Variants in CNGB3 observed in about 807,000 individuals in gnomAD.
CNGB3 encodes the protein cyclic nucleotide-gated channel beta-3.
A neutral mutation model predicts 92.8 loss-of-function variants in CNGB3; 86 were observed. The ratio of observed to expected loss-of-function variants is 0.93; its 90% CI spans 0.78 to 1.11. The LOEUF is 1.11. CNGB3 is among the 50% of genes least tolerant of loss of function. CNGB3 has a pLI of 0.00. For synonymous variants in CNGB3, 333 were observed against 332.7 expected (o/e 1.00, Z -0.01); for missense variants, 1,026 against 956.8 (o/e 1.07, Z -0.95).
At chr8:86,599,896 T>A (rs1822253963) in intron 15 of CNGB3, among the ~76,000 whole-genome samples, 1 of 152,184 alleles carries the variant, frequency 6.6e-6, no homozygotes, top group South Asian at 2.1e-4. Flanking sequence ...TTGTGAAGCA[T>A]GTGATCTCTG....
In CNGB3 at chr8:86,611,687, A is replaced by C; in HGVS notation, c.1579-16T>G. Reference sequence around the variant, plus strand: ...TATCACAACCCTATATAAAAAGAAAAATAATTCTTATAGAAACAACTAAAG... The same window carrying C: ...TATCACAACCCTATATAAAAAGAAACATAATTCTTATAGAAACAACTAAAG... On this transcript the variant is annotated splice_polypyrimidine_tract_variant and intron_variant, in intron 13 of 17. Coordinates refer to ENST00000320005, the MANE Select transcript of CNGB3 (RefSeq NM_019098.5). 6.4e-7 allele frequency: 1 copy of C among 1,567,600 alleles called. No homozygotes were observed. Among genetic ancestry groups the C allele is most frequent in the Non-Finnish European group, 8.8e-7 (1 of 1,138,348 alleles).
At chr8:86,628,795 C>T in intron 12 of CNGB3, 124 bp downstream of exon 12, 9 of 1,040,582 alleles carry the variant, frequency 8.6e-6, no homozygotes, top group East Asian at 2.4e-5. Flanking sequence ...TAAACGAATG[C>T]TTTAAGGATC....
intron 10 of CNGB3, among the ~76,000 whole-genome samples, chr8:86,635,504 G>T (rs1465578140): frequency 2.7e-5 from 4 of 150,282 alleles, no homozygotes; most frequent in Non-Finnish European, 5.9e-5. Flanking sequence ...CAAGGGTTTG[G>T]CTTGAACAAT....
chr8:86,594,456 C>A, intron 15 of CNGB3: 1 of 280,158 alleles, frequency 3.6e-6, no homozygotes, highest in South Asian at 3.3e-5. Context: ...ATGAGCTTGT[C>A]GGTGGTAAAG....
At chr8:86,620,391 T>A (rs1822701127) in intron 13 of CNGB3, among the ~76,000 whole-genome samples, 1 of 152,176 alleles carries the variant, frequency 6.6e-6, no homozygotes, top group Admixed American at 6.5e-5. Context: ...GGCTTGCAGA[T>A]GGCTACCTTC....
chr8:86,606,619 T>A (rs1822415732), intron 14 of CNGB3, among the ~76,000 whole-genome samples: 1 of 152,242 alleles, frequency 6.6e-6, no homozygotes, highest in African/African-American at 2.4e-5. Context: ...CATAGCTCCT[T>A]ATTTTAATTC....
chr8:86,659,032 C>G, intron 6 of CNGB3: 1 of 976,698 alleles, frequency 1.0e-6, no homozygotes, highest in East Asian at 2.5e-5. Context: ...TCGGCCTCCA[C>G]TTATAGCTGC....
chr8:86,635,403 A>G (rs557153745), intron 10 of CNGB3, among the ~76,000 whole-genome samples: 2 of 152,124 alleles, frequency 1.3e-5, no homozygotes, highest in Admixed American at 1.3e-4. Context: ...TAACAGGAAC[A>G]AACATAAGAA....
intron 13 of CNGB3, among the ~76,000 whole-genome samples, chr8:86,618,126 G>T (rs1213893216): frequency 6.6e-6 from 1 of 152,174 alleles, no homozygotes; most frequent in Non-Finnish European, 1.5e-5. Flanking sequence ...GCTCCTATGA[G>T]AATCTAATGC....
rs372951652 is a variant in CNGB3 at position 86,636,515 on chromosome 8, G to A, written c.1179-3622C>T. ...TTGAACCCGGGAGGCGGAGGTTACA[G>A]TGAGCTGAGATGGTGCCACTGCACT... On this transcript the variant is annotated intron_variant, in intron 10 of 17. Coordinates refer to ENST00000320005, the MANE Select transcript of CNGB3 (RefSeq NM_019098.5). Among the ~76,000 whole-genome samples, 110 of 132,180 alleles carry A rather than the reference G, an allele frequency of 8.3e-4. 1 individual carries two copies. The highest frequency in any genetic ancestry group is 2.9e-3 in the African/African-American group (103 of 35,034). 86.7% of individuals were successfully genotyped at this position (132,180 alleles called of 152,430 possible).
chr8:86,647,987 T>G, intron 7 of CNGB3, 100 bp from the exon 8 acceptor site: 1 of 805,344 alleles, frequency 1.2e-6, no homozygotes, highest in Non-Finnish European at 2.2e-6. Flanking sequence ...AATCACAATA[T>G]ATTATTTGTT....
At chr8:86,729,561 T>C (rs1327123691) in intron 2 of CNGB3, among the ~76,000 whole-genome samples, 1 of 152,230 alleles carries the variant, frequency 6.6e-6, no homozygotes, top group Non-Finnish European at 1.5e-5. Context: ...AAATAAATCC[T>C]CATTAATAGC....
chr8:86,704,573 GGCTTTGGGA>G (rs1043747392), intron 3 of CNGB3, among the ~76,000 whole-genome samples: 4 of 152,144 alleles, frequency 2.6e-5, no homozygotes, highest in African/African-American at 9.7e-5. Flanking sequence ...TTTCTGCCCA[GGCTTTGGGA>G]GCTACATCAG....
intron 6 of CNGB3, chr8:86,657,918 C>A: frequency 1.8e-6 from 1 of 549,814 alleles, no homozygotes; most frequent in South Asian, 1.4e-5. Context: ...GACCACCGTG[C>A]AGCTCCCCCT....
In CNGB3 at chr8:86,735,060, T is replaced by G. The variant is rs1000786260; in HGVS notation, c.211+4595A>C. 4.8e-5 allele frequency among the ~76,000 whole-genome samples: 7 copies of G among 146,538 alleles called. No individual in the cohort carries two copies. In the East Asian group the frequency reaches 1.4e-3, roughly 29 times the overall value. On this transcript the variant is annotated intron_variant, in intron 2 of 17. Transcript: ENST00000320005. ...GCCGGTGGTTTTTTTTTTTTTTTTT[T>G]TTTTTTTTTTGTATGGTATACTGCC...
chr8:86,690,873 G>A (rs1463672431), intron 3 of CNGB3, among the ~76,000 whole-genome samples: 1 of 152,182 alleles, frequency 6.6e-6, no homozygotes, highest in Non-Finnish European at 1.5e-5. Context: ...AGTTGTAGAT[G>A]TGTGGTGTTA....
At chr8:86,695,107 C>T (rs186694914) in intron 3 of CNGB3, among the ~76,000 whole-genome samples, 1 of 152,232 alleles carries the variant, frequency 6.6e-6, no homozygotes, top group African/African-American at 2.4e-5. Context: ...CCAGCCTGGC[C>T]AACACAGCGA....
At chr8:86,585,479 C>T (rs1202223515) in intron 15 of CNGB3, among the ~76,000 whole-genome samples, 1 of 152,008 alleles carries the variant, frequency 6.6e-6, no homozygotes, top group East Asian at 1.9e-4. Flanking sequence ...CAGTGTACAA[C>T]CTGCACAGCT....
intron 10 of CNGB3, among the ~76,000 whole-genome samples, chr8:86,642,994 C>T (rs182433157): frequency 1.3e-3 from 191 of 151,464 alleles, no homozygotes; most frequent in Admixed American, 3.7e-3. Context: ...CAATCGGCAT[C>T]GGAGTTATTA....
Sources: allele counts gnomAD v4.1 joint callset (sites outside exome capture counted in the v4.1 genomes callset), GRCh38; gene constraint gnomAD v4.1.1; transcripts MANE v1.5; gene names NCBI Gene and HGNC (gene_info 2026-07-23, HGNC 2026-07-21).